BCCIP: variants seen among roughly 807,000 people sequenced by gnomAD.
BCCIP encodes BRCA2 and CDKN1A interacting protein, also known as BRCA2 and CDKN1A-interacting protein.
BCCIP carries 23 observed loss-of-function variants against 32.8 expected under a neutral mutation model. The ratio of observed to expected loss-of-function variants is 0.70; its 90% CI spans 0.51 to 0.99. The LOEUF (loss-of-function observed/expected upper bound fraction) is 0.99. Ranked by LOEUF, BCCIP falls within the 50% of genes least tolerant of loss-of-function variation. The pLI, the probability that BCCIP is intolerant of heterozygous loss-of-function variation, is 0.00. For synonymous variants in BCCIP, 144 were observed against 137.6 expected (o/e 1.05, Z -0.33); for missense variants, 378 against 379.8 (o/e 1.00, Z 0.04).
chr10:125,838,947 T>A (rs1245408984), downstream of BCCIP: 8 of 1,535,828 alleles, frequency 5.2e-6, no homozygotes, highest in Non-Finnish European at 7.1e-6. Context: ...CAGCATATCC[T>A]GAGTATGTGC....
At chr10:125,841,345 C>T (rs140376224), downstream of BCCIP, 2 of 1,613,958 alleles carry the variant, frequency 1.2e-6, no homozygotes, top group Non-Finnish European at 1.7e-6. Flanking sequence ...GTCTGTTCCC[C>T]CAGTATTAGA....
chr10:125,827,004 A>C (rs973624984), intron 2 of BCCIP, among the ~76,000 whole-genome samples: 1 of 151,568 alleles, frequency 6.6e-6, no homozygotes, highest in Non-Finnish European at 1.5e-5. Flanking sequence ...TCTAAAAAAA[A>C]AGAAAATTCA....
intron 7 of BCCIP, among the ~76,000 whole-genome samples, chr10:125,851,936 A>G (rs915666719): frequency 5.9e-5 from 9 of 151,552 alleles, no homozygotes; most frequent in African/African-American, 1.9e-4. Context: ...AAAAAAAAAA[A>G]AAAAAGAAAA....
At chr10:125,852,684 T>A (rs367837068) in intron 7 of BCCIP, 12 of 1,546,970 alleles carry the variant, frequency 7.8e-6, no homozygotes, top group Non-Finnish European at 7.9e-6. Flanking sequence ...AGATAAGTCA[T>A]GATTCAGTAG....
chr10:125,826,462 T>C (rs1854390674), intron 1 of BCCIP, 129 bp from the exon 2 acceptor site: 1 of 1,394,946 alleles, frequency 7.2e-7, no homozygotes, highest in South Asian at 1.3e-5. Context: ...GGCTTTTGTG[T>C]CACCTGAAGA....
chr10:125,823,610 C>A lies in BCCIP; in HGVS notation c.53C>A (p.Pro18Gln), dbSNP rs113227232. The change falls in exon 1 of 7, where the codon CCG (proline) becomes CAG (glutamine). Residue 18 changes from proline (P) to glutamine (Q), a missense_variant. Transcript: ENST00000278100. ...RAVESGVPQP[P>Q]DPPVQRDEEE... ...GTGGAAAGTGGGGTTCCGCAGCCGC[C>A]GGATCCCCCAGTCCAGCGCGACGAG... 1.0e-4 allele frequency: 161 copies of A among 1,614,074 alleles called. No homozygotes were observed. The highest frequency in any genetic ancestry group is 1.0e-4 in the Admixed American group (6 of 60,022).
At chr10:125,825,569 A>C (rs1021498579) in intron 1 of BCCIP, 6 of 152,214 alleles carry the variant, frequency 3.9e-5, no homozygotes, top group African/African-American at 1.4e-4. Flanking sequence ...AATTGCTCTA[A>C]GCAATTCCAG....
Position 125,851,920 on chromosome 10 carries a change from C to CAAAAAAAAAAAA in BCCIP, c.851-1195_851-1184dup, listed in dbSNP as rs56380138. On this transcript the variant is annotated intron_variant, in intron 7 of 7. Transcript: ENST00000368759. ...TGAGCAACAGAGCAAGACCCTGTCT[C>CAAAAAAAAAAAA]AAAAAAAAAAAAAAAAAAAAAGAAA... 4.7e-4 allele frequency among the ~76,000 whole-genome samples: 41 copies of CAAAAAAAAAAAA among 86,694 alleles called. 1 individual carries two copies. Among genetic ancestry groups the CAAAAAAAAAAAA allele is most frequent in the South Asian group, 1.3e-3 (3 of 2,348 alleles). The allele number at this position is 86,694 out of a possible 152,430, so 56.9% of individuals were successfully genotyped here.
downstream of BCCIP, chr10:125,838,468 CCAAA>C: frequency 5.4e-6 from 7 of 1,303,204 alleles, no homozygotes; most frequent in Non-Finnish European, 7.2e-6. Flanking sequence ...GAAAAAAATA[CCAAA>C]GTATTTTATA....
chr10:125,835,566 G>A (rs1854653327), intron 6 of BCCIP, among the ~76,000 whole-genome samples: 1 of 91,980 alleles, frequency 1.1e-5, no homozygotes, highest in Non-Finnish European at 2.3e-5. Flanking sequence ...GTGACAGAGT[G>A]AGACTCTGTC....
intron 2 of BCCIP, 98 bp downstream of exon 2, chr10:125,826,763 G>A (rs1854398805): frequency 2.0e-6 from 3 of 1,507,960 alleles, no homozygotes; most frequent in Admixed American, 4.3e-5. Context: ...ATTTTGGAAG[G>A]CCGAGGTGAG....
Position 125,835,644 on chromosome 10 carries a change from T to TG in BCCIP, c.775-454dup, listed in dbSNP as rs1232164921. 2.6e-5 allele frequency among the ~76,000 whole-genome samples: 4 copies of TG among 151,952 alleles called. No homozygotes were observed. In the South Asian group the frequency reaches 6.2e-4, roughly 24 times the overall value. ...GCTTCAACACCTCAGGTTGACCATT[T>TG]GGGGGGAGTGTGTATGGGTGTTTTA... On this transcript the variant is annotated intron_variant, in intron 6 of 6. Transcript: ENST00000278100.
At chr10:125,826,455 T>C in intron 1 of BCCIP, 136 bp from the exon 2 acceptor site, 1 of 1,370,668 alleles carries the variant, frequency 7.3e-7, no homozygotes, top group Non-Finnish European at 9.7e-7. Context: ...TTTCTCAGGC[T>C]TTTGTGTCAC....
At position 125,831,721 on chromosome 10, in the gene BCCIP, T is replaced by G. The variant is rs1330119664; in HGVS notation, c.599+114T>G. 6 of 1,048,750 alleles carry G rather than the reference T, an allele frequency of 5.7e-6. No individual in the cohort carries two copies. In the East Asian group the frequency reaches 1.5e-4, roughly 27 times the overall value. The allele number at this position is 1,048,750 out of a possible 1,614,324, so 65.0% of individuals were successfully genotyped here. A position where few individuals can be genotyped will look rare whatever the true frequency, so the allele number is the denominator to read the frequency against. On this transcript the variant is annotated intron_variant, in intron 5 of 6. Coordinates refer to ENST00000278100, the MANE Select transcript of BCCIP (RefSeq NM_078468.3). Reference sequence around the variant, plus strand: ...GAAAGAGTTCTGTCCTTGGTTTAAGTGGGTTTAGTGTGAGGGGAGTGGAAG... The same window carrying G: ...GAAAGAGTTCTGTCCTTGGTTTAAGGGGGTTTAGTGTGAGGGGAGTGGAAG...
Position 125,826,657 on chromosome 10 carries a change from C to T in BCCIP, c.232C>T (p.Leu78=), listed in dbSNP as rs193253345. ...DNDYDGIKKL[L]QQLFLKAPVN... ...TGATTATGACGGAATTAAGAAATTA[C>T]TGCAGCAGGTATTGTCTTTTATTTA... Residue 78 remains leucine (L), a synonymous_variant, in exon 2 of 7, where the codon CTG becomes TTG. Transcript: ENST00000278100. 3.1e-6 allele frequency: 5 copies of T among 1,613,270 alleles called. No individual in the cohort carries two copies. The highest frequency in any genetic ancestry group is 2.2e-5 in the East Asian group (1 of 44,880).
downstream of BCCIP, among the ~76,000 whole-genome samples, chr10:125,843,611 CAA>C (rs879669432): frequency 7.6e-6 from 1 of 132,424 alleles, no homozygotes. Context: ...GACTCCGTCT[CAA>C]AAAAAAAAAA....
chr10:125,845,036 C>G (rs1013056981), downstream of BCCIP, among the ~76,000 whole-genome samples: 33 of 152,170 alleles, frequency 2.2e-4, no homozygotes, highest in African/African-American at 8.0e-4. Context: ...TCCTTGGCAT[C>G]AGTAGAAAAC....
At chr10:125,841,082 T>G (rs573643091), downstream of BCCIP, 3 of 1,471,310 alleles carry the variant, frequency 2.0e-6, no homozygotes, top group Admixed American at 6.0e-5. Context: ...GTCACGACTG[T>G]TAGTGGCATG....
chr10:125,844,608 A>G (rs1191466891), downstream of BCCIP, among the ~76,000 whole-genome samples: 2 of 152,252 alleles, frequency 1.3e-5, no homozygotes, highest in South Asian at 2.1e-4. Flanking sequence ...TGCTAATATT[A>G]TATTCTGCAT....
Sources: allele counts gnomAD v4.1 joint callset (sites outside exome capture counted in the v4.1 genomes callset), GRCh38; gene constraint gnomAD v4.1.1; transcripts MANE v1.5; gene names NCBI Gene and HGNC (gene_info 2026-07-23, HGNC 2026-07-21).